KIAA1328: variants seen among roughly 807,000 people sequenced by gnomAD.
KIAA1328 encodes protein hinderin.
KIAA1328 carries 52 observed loss-of-function variants against 68.1 expected under a neutral mutation model. The ratio of observed to expected loss-of-function variants is 0.76; its 90% CI spans 0.61 to 0.96. The LOEUF is 0.96. Ranked by LOEUF, KIAA1328 falls within the 40% of genes least tolerant of loss-of-function variation. The pLI, the probability that KIAA1328 is intolerant of heterozygous loss-of-function variation, is 0.00. For synonymous variants in KIAA1328, 232 were observed against 239.4 expected (o/e 0.97, Z 0.28); for missense variants, 641 against 677.6 (o/e 0.95, Z 0.60).
intron 4 of KIAA1328, among the ~76,000 whole-genome samples, chr18:36,866,541 A>G (rs755426812): frequency 2.1e-4 from 32 of 152,166 alleles, no homozygotes; most frequent in South Asian, 2.1e-4. Flanking sequence ...CATTAAGTGT[A>G]TTTCCTTGTT....
chr18:37,146,006 T>G (rs1223722297), intron 7 of KIAA1328, among the ~76,000 whole-genome samples: 1 of 152,152 alleles, frequency 6.6e-6, no homozygotes, highest in Non-Finnish European at 1.5e-5. Context: ...CCCAATTTAT[T>G]AGTTTATCTT....
chr18:37,028,417 A>G (rs1304742201), intron 6 of KIAA1328, among the ~76,000 whole-genome samples: 5 of 152,078 alleles, frequency 3.3e-5, no homozygotes, highest in African/African-American at 9.7e-5. Context: ...TTGTTTATCT[A>G]GGAGCTTTAG....
At chr18:37,144,705 T>A (rs1371034716) in intron 7 of KIAA1328, among the ~76,000 whole-genome samples, 2 of 151,966 alleles carry the variant, frequency 1.3e-5, no homozygotes, top group Admixed American at 1.3e-4. Flanking sequence ...ATTTTTGTAT[T>A]TTTTTGTAGA....
chr18:37,092,756 C>T (rs1169006574), intron 7 of KIAA1328, among the ~76,000 whole-genome samples: 1 of 152,178 alleles, frequency 6.6e-6, no homozygotes, highest in African/African-American at 2.4e-5. Context: ...GGACACAACA[C>T]TTAGGGGCCT....
chr18:37,138,931 A>G (rs550855591), intron 7 of KIAA1328, among the ~76,000 whole-genome samples: 2 of 144,024 alleles, frequency 1.4e-5, no homozygotes, highest in African/African-American at 5.2e-5. Context: ...GGAATATTTC[A>G]TGTATGAAAT....
intron 7 of KIAA1328, among the ~76,000 whole-genome samples, chr18:37,079,714 CCT>C (rs1271575071): frequency 1.3e-5 from 2 of 151,442 alleles, no homozygotes; most frequent in Non-Finnish European, 2.9e-5. Context: ...ATGGTGAAAC[CCT>C]GTCTCTACTA....
intron 5 of KIAA1328, among the ~76,000 whole-genome samples, chr18:36,897,574 A>T (rs1251853498): frequency 6.6e-6 from 1 of 152,016 alleles, no homozygotes; most frequent in Non-Finnish European, 1.5e-5. Flanking sequence ...CATGGGAGAA[A>T]AGTTGACAAT....
At chr18:37,170,405 C>CTGTT (rs1358572179) in intron 8 of KIAA1328, among the ~76,000 whole-genome samples, 1 of 152,100 alleles carries the variant, frequency 6.6e-6, no homozygotes, top group Non-Finnish European at 1.5e-5. Flanking sequence ...AATTTAAAGA[C>CTGTT]TGTTGTAAGG....
intron 9 of KIAA1328, among the ~76,000 whole-genome samples, chr18:37,216,990 G>GTTTTTTTTT (rs1219798631): frequency 1.8e-4 from 7 of 39,486 alleles, no homozygotes; most frequent in African/African-American, 4.1e-4. Flanking sequence ...TTTTTTTTTT[G>GTTTTTTTTT]TTTGTTTTTT....
intron 5 of KIAA1328, among the ~76,000 whole-genome samples, chr18:36,893,462 T>TGTGTG (rs761526807): frequency 3.0e-4 from 40 of 131,870 alleles, no homozygotes; most frequent in Admixed American, 5.6e-4. Flanking sequence ...TGTGTGTGTG[T>TGTGTG]TTTTGTGTGT....
intron 6 of KIAA1328, among the ~76,000 whole-genome samples, chr18:37,044,217 G>A: frequency 6.6e-6 from 1 of 152,188 alleles, no homozygotes; most frequent in Middle Eastern, 3.4e-3. Flanking sequence ...GGGAATTTTA[G>A]ACTATTGATT....
At chr18:36,896,950 A>T (rs1478318575) in intron 5 of KIAA1328, among the ~76,000 whole-genome samples, 2 of 152,100 alleles carry the variant, frequency 1.3e-5, no homozygotes, top group Non-Finnish European at 2.9e-5. Flanking sequence ...TAACCTTAGG[A>T]TGGCCTTAAC....
chr18:36,843,620 G>A (rs963964658), intron 3 of KIAA1328, among the ~76,000 whole-genome samples: 2 of 152,090 alleles, frequency 1.3e-5, no homozygotes, highest in African/African-American at 4.8e-5. Flanking sequence ...TCCTGGATAT[G>A]TACCCTTAAA....
At chr18:36,976,949 G>A (rs1397332494) in intron 6 of KIAA1328, among the ~76,000 whole-genome samples, 1 of 151,976 alleles carries the variant, frequency 6.6e-6, no homozygotes, top group Non-Finnish European at 1.5e-5. Context: ...CATTTCATAC[G>A]GAGTATTGAT....
intron 6 of KIAA1328, among the ~76,000 whole-genome samples, chr18:37,056,990 T>TA (rs2055935793): frequency 6.6e-6 from 1 of 152,220 alleles, no homozygotes; most frequent in South Asian, 2.1e-4. Flanking sequence ...TTAACTTTTT[T>TA]ATCTGTTGTA....
intron 6 of KIAA1328, among the ~76,000 whole-genome samples, chr18:37,054,078 G>A (rs2055812803): frequency 6.6e-6 from 1 of 151,900 alleles, no homozygotes. Context: ...AGTCATCAGA[G>A]AAATGTAAAT....
chr18:36,921,051 A>G (rs1372147994), intron 5 of KIAA1328: 1 of 152,002 alleles, frequency 6.6e-6, no homozygotes, highest in Non-Finnish European at 1.5e-5. Context: ...GAGTCACCCA[A>G]TTTTTTTACC....
intron 7 of KIAA1328, among the ~76,000 whole-genome samples, chr18:37,106,462 A>T (rs2057778574): frequency 1.3e-5 from 2 of 149,476 alleles, no homozygotes; most frequent in African/African-American, 5.0e-5. Context: ...TCTGTCACCC[A>T]GGCTGGAGTG....
chr18:37,136,968 T>C (rs950205530), intron 7 of KIAA1328, among the ~76,000 whole-genome samples: 11 of 152,224 alleles, frequency 7.2e-5, no homozygotes, highest in Non-Finnish European at 1.6e-4. Context: ...CATCATCCTC[T>C]TTTTTCTTAA....
Sources: allele counts gnomAD v4.1 joint callset (sites outside exome capture counted in the v4.1 genomes callset), GRCh38; gene constraint gnomAD v4.1.1; transcripts MANE v1.5; gene names NCBI Gene and HGNC (gene_info 2026-07-23, HGNC 2026-07-21).